RAD51B: variants seen among roughly 807,000 people sequenced by gnomAD.
The protein encoded by RAD51B is RAD51 paralog B, also known as DNA repair protein RAD51 homolog 2.
A neutral mutation model predicts 42.2 loss-of-function variants in RAD51B; 38 were observed. That is an observed-to-expected ratio of 0.90 (90% confidence interval 0.70 to 1.18). The LOEUF (loss-of-function observed/expected upper bound fraction) is 1.18. Among genes scored for constraint, RAD51B ranks in the 50% most tolerant of loss-of-function variants. RAD51B has a pLI of 0.00. For synonymous variants in RAD51B, 154 were observed against 145.2 expected (o/e 1.06, Z -0.43); for missense variants, 373 against 400.7 (o/e 0.93, Z 0.59).
intron 7 of RAD51B, among the ~76,000 whole-genome samples, chr14:68,272,681 T>TTA (rs2081142211): frequency 2.3e-5 from 1 of 43,294 alleles, no homozygotes; most frequent in Non-Finnish European, 4.5e-5. Flanking sequence ...TTTTTTTTTT[T>TTA]TTTTTTTTTT....
rs141722211 is a variant in RAD51B at position 68,534,091 on chromosome 14, A to G, written c.1037-60394A>G. Reference sequence around the variant, plus strand: ...GCAAGTGAGCTTAACTGAGTGGTCAAAAAATTATTGGAGTAGAAATACTAC... The same window carrying G: ...GCAAGTGAGCTTAACTGAGTGGTCAGAAAATTATTGGAGTAGAAATACTAC... On this transcript the variant is annotated intron_variant, in intron 10 of 10. Transcript: ENST00000487270. 1.6e-4 allele frequency among the ~76,000 whole-genome samples: 25 copies of G among 152,364 alleles called. No individual in the cohort carries two copies. In the East Asian group the frequency reaches 4.8e-3, roughly 29 times the overall value.
At chr14:68,080,667 G>T (rs1265882051) in intron 7 of RAD51B, among the ~76,000 whole-genome samples, 1 of 152,092 alleles carries the variant, frequency 6.6e-6, no homozygotes, top group Non-Finnish European at 1.5e-5. Flanking sequence ...TGAACAGTTG[G>T]GTTTGATCAG....
chr14:68,050,683 A>T (rs2076377990), intron 7 of RAD51B, among the ~76,000 whole-genome samples: 1 of 151,976 alleles, frequency 6.6e-6, no homozygotes, highest in African/African-American at 2.4e-5. Flanking sequence ...TTTTTTTTGG[A>T]GAAGGAAGTT....
intron 8 of RAD51B, among the ~76,000 whole-genome samples, chr14:68,346,277 T>G: frequency 6.6e-6 from 1 of 152,208 alleles, no homozygotes; most frequent in Non-Finnish European, 1.5e-5. Flanking sequence ...GCAACTTCAT[T>G]TGATATGATT....
chr14:68,606,912 AC>A (rs1364855221), intron 10 of RAD51B, among the ~76,000 whole-genome samples: 1 of 152,160 alleles, frequency 6.6e-6, no homozygotes, highest in East Asian at 1.9e-4. Flanking sequence ...CATCTGATCC[AC>A]CCAACTTCTT....
intron 8 of RAD51B, among the ~76,000 whole-genome samples, chr14:68,314,202 G>A (rs1217818887): frequency 6.6e-6 from 1 of 152,092 alleles, no homozygotes; most frequent in Non-Finnish European, 1.5e-5. Flanking sequence ...CTGCCTCGAG[G>A]AAAATAAGCA....
rs397852024 is a variant in RAD51B, at chr14:68,632,968, C to CTTTTTTTTTTTTTTTTTTTTT, written c.1037-17802_1037-17782dup. Among the ~76,000 whole-genome samples, 5 of 59,414 alleles carry CTTTTTTTTTTTTTTTTTTTTT rather than the reference C, an allele frequency of 8.4e-5. 1 individual carries two copies. Among genetic ancestry groups the CTTTTTTTTTTTTTTTTTTTTT allele is most frequent in the Admixed American group, 2.3e-4 (1 of 4,272 alleles). The allele number at this position is 59,414 out of a possible 152,430, so 39.0% of individuals were successfully genotyped here. The stretch of plus-strand genomic sequence containing the variant: ...TTTTTTCTTTTTTCTTTTTCTTTTT[C>CTTTTTTTTTTTTTTTTTTTTT]TTTTTTTTTTTTTTTTTTTTTTTTT... On this transcript the variant is annotated intron_variant, in intron 10 of 11. Transcript: ENST00000488612.
chr14:68,437,483 C>T (rs1216455415), intron 9 of RAD51B, among the ~76,000 whole-genome samples: 1 of 152,090 alleles, frequency 6.6e-6, no homozygotes, highest in African/African-American at 2.4e-5. Context: ...GTGTCTTTGC[C>T]AGATTTTGGC....
In RAD51B at chr14:68,127,560, C is replaced by T. The variant is rs116562887; in HGVS notation, c.757-164324C>T. On this transcript the variant is annotated intron_variant, in intron 7 of 10. Coordinates refer to ENST00000471583, the MANE Select transcript of RAD51B (RefSeq NM_133510.4). ...ATATAGGGGCTCATATTCCAGTTAG[C>T]GGTACTGTATAGTGATAATTCATAA... Among the ~76,000 whole-genome samples, 146 of 148,700 alleles carry T rather than the reference C, an allele frequency of 9.8e-4. 2 individuals are homozygous for T. Among genetic ancestry groups the T allele is most frequent in the African/African-American group, 3.2e-3 (128 of 40,614 alleles).
At chr14:68,119,467 C>A (rs1171982439) in intron 7 of RAD51B, among the ~76,000 whole-genome samples, 3 of 108,486 alleles carry the variant, frequency 2.8e-5, no homozygotes, top group African/African-American at 6.9e-5. Context: ...ATCCCACCCC[C>A]CTCCCCCCAC....
chr14:68,442,786 A>ATATTATTATTATTAT (rs112886411), intron 9 of RAD51B, among the ~76,000 whole-genome samples: 5 of 150,650 alleles, frequency 3.3e-5, no homozygotes, highest in African/African-American at 9.7e-5. Flanking sequence ...CTAACCTGTG[A>ATATTATTATTATTAT]TATTATTATT....
At chr14:68,238,024 A>G (rs2080301884) in intron 7 of RAD51B, among the ~76,000 whole-genome samples, 1 of 152,066 alleles carries the variant, frequency 6.6e-6, no homozygotes, top group East Asian at 1.9e-4. Flanking sequence ...CATTTATCAT[A>G]TGAATATATC....
intron 7 of RAD51B, among the ~76,000 whole-genome samples, chr14:68,229,949 T>G (rs1452167928): frequency 6.6e-6 from 1 of 152,196 alleles, no homozygotes; most frequent in Non-Finnish European, 1.5e-5. Flanking sequence ...TAGGCCACCT[T>G]CCTCATTTCC....
At chr14:68,048,913 G>T (rs1447310662) in intron 7 of RAD51B, among the ~76,000 whole-genome samples, 1 of 152,158 alleles carries the variant, frequency 6.6e-6, no homozygotes, top group Non-Finnish European at 1.5e-5. Flanking sequence ...GCACAGATAT[G>T]TTTATTGCGG....
intron 7 of RAD51B, among the ~76,000 whole-genome samples, chr14:68,049,689 G>A (rs1403609830): frequency 6.6e-6 from 1 of 152,104 alleles, no homozygotes; most frequent in Non-Finnish European, 1.5e-5. Flanking sequence ...ATATCTCTTG[G>A]GTTTGTCCTT....
intron 10 of RAD51B, among the ~76,000 whole-genome samples, chr14:68,624,832 T>C (rs1454204208): frequency 1.3e-5 from 2 of 152,172 alleles, no homozygotes; most frequent in African/African-American, 4.8e-5. Context: ...CAAAAGTTAC[T>C]TGGACCTTGC....
At chr14:68,300,633 C>T (rs2081710154) in intron 8 of RAD51B, among the ~76,000 whole-genome samples, 1 of 152,196 alleles carries the variant, frequency 6.6e-6, no homozygotes, top group African/African-American at 2.4e-5. Context: ...AACCTGGCTC[C>T]TCCTTGATCT....
At chr14:67,986,011 T>TTGTGTG (rs10568389) in intron 7 of RAD51B, among the ~76,000 whole-genome samples, 1 of 150,762 alleles carries the variant, frequency 6.6e-6, no homozygotes, top group Non-Finnish European at 1.5e-5. Flanking sequence ...GTACCTTGAT[T>TTGTGTG]TGTGTGTGTG....
chr14:68,335,319 GA>G (rs1025424053), intron 8 of RAD51B, among the ~76,000 whole-genome samples: 1 of 130,576 alleles, frequency 7.7e-6, no homozygotes, highest in African/African-American at 2.8e-5. Context: ...AAAAAGAAAA[GA>G]AAAAAGAAAC....
Sources: gnomAD v4.1 joint callset for allele counts (sites outside exome capture counted in the v4.1 genomes callset) on GRCh38, gnomAD v4.1.1 for gene constraint, MANE v1.5 for transcripts, NCBI Gene and HGNC (gene_info 2026-07-23, HGNC 2026-07-21) for gene names.